ELK3: variants seen among roughly 807,000 people sequenced by gnomAD.
The protein encoded by ELK3 is ETS domain-containing protein Elk-3.
In ELK3, 10 loss-of-function variants were observed where a neutral mutation model predicts 28.9. The observed-to-expected ratio is 0.35, with a 90% CI of 0.21 to 0.59. The LOEUF is 0.59. Among genes scored for constraint, ELK3 ranks in the 20% least tolerant of loss-of-function variants. ELK3 has a pLI of 0.82. For missense variants in ELK3, 463 were observed against 517.3 expected, an observed-to-expected ratio of 0.90 and a Z score of 1.02; for synonymous variants, 272 against 243.5, an observed-to-expected ratio of 1.12 and a Z score of -1.09.
intron 2 of ELK3, among the ~76,000 whole-genome samples, chr12:96,239,723 A>G (rs1335849302): frequency 6.6e-6 from 1 of 152,246 alleles, no homozygotes; most frequent in Non-Finnish European, 1.5e-5. Context: ...GCGCAGGGCC[A>G]GCAGCTTCCC....
At chr12:96,234,212 C>T (rs1215003739) in intron 2 of ELK3, among the ~76,000 whole-genome samples, 1 of 152,166 alleles carries the variant, frequency 6.6e-6, no homozygotes, top group Non-Finnish European at 1.5e-5. Flanking sequence ...ACTCAGTGTT[C>T]CCCCAAAATA....
intron 1 of ELK3, among the ~76,000 whole-genome samples, chr12:96,216,775 T>C (rs1243422541): frequency 6.6e-6 from 1 of 152,236 alleles, no homozygotes; most frequent in Non-Finnish European, 1.5e-5. Context: ...ATGATACTTT[T>C]ATCATATCAG....
intron 1 of ELK3, 111 bp from the exon 2 acceptor site, chr12:96,223,454 C>G (rs2137014518): frequency 1.0e-6 from 1 of 996,886 alleles, no homozygotes; most frequent in South Asian, 1.4e-5. Flanking sequence ...ATTAGGTTCA[C>G]TGGGGGAAGG....
In ELK3 at chr12:96,233,850, C is replaced by A. The variant is rs530838071; in HGVS notation, c.207+10077C>A. ...GGGTGTTTTATCGATCGAGGGGGCC[C>A]TCTGTGCCCGGCCCTGGGTGTGAGT... On this transcript the variant is annotated intron_variant, in intron 2 of 4. Coordinates refer to ENST00000228741, the MANE Select transcript of ELK3 (RefSeq NM_005230.4). Among the ~76,000 whole-genome samples the A allele has an allele frequency of 5.3e-5, 8 of 152,342 alleles. No individual in the cohort carries two copies. The South Asian group carries it at 1.7e-3, about 32-fold the overall frequency.
intron 1 of ELK3, among the ~76,000 whole-genome samples, chr12:96,223,300 G>A (rs957319363): frequency 3.9e-5 from 6 of 152,148 alleles, no homozygotes; most frequent in African/African-American, 9.7e-5. Flanking sequence ...CCCATGCATC[G>A]CTGTCACTCG....
intron 4 of ELK3, 104 bp from the exon 5 acceptor site, chr12:96,266,978 G>T: frequency 1.2e-6 from 1 of 810,286 alleles, no homozygotes; most frequent in Middle Eastern, 2.4e-4. Context: ...TCACAGGGGT[G>T]ATGAGAGAAA....
rs757483963 is a variant in ELK3 at position 96,247,527 on chromosome 12, C to T, written c.795C>T (p.Cys265=). ...EHRSLFLEAA[C]HDSDSLEPLN... ...GAAGCCTCTTCCTGGAGGCCGCCTG[C>T]CATGACTCCGATTCCCTGGAGCCCT... Residue 265 remains cysteine (C), a synonymous_variant, in exon 3 of 5, where the codon TGC becomes TGT. Transcript: ENST00000228741. This position sits in a 1 kb window ranked among gnomAD's most constrained non-coding sequence, Gnocchi z 5.5. The T allele has an allele frequency of 1.2e-6, 2 of 1,614,140 alleles. No individual in the cohort carries two copies.
chr12:96,263,717 G>A (rs1268539444), intron 4 of ELK3, among the ~76,000 whole-genome samples: 1 of 152,162 alleles, frequency 6.6e-6, no homozygotes, highest in African/African-American at 2.4e-5. Flanking sequence ...GATTTCGATC[G>A]AGTACATTTA....
intron 2 of ELK3, among the ~76,000 whole-genome samples, chr12:96,234,681 T>C (rs1303495889): frequency 2.6e-5 from 4 of 152,232 alleles, no homozygotes; most frequent in Admixed American, 2.6e-4. Flanking sequence ...TTAGCTTATT[T>C]TCCAATTTGT....
At chr12:96,237,658 A>ATAG (rs1565786404) in intron 2 of ELK3, among the ~76,000 whole-genome samples, 1 of 152,134 alleles carries the variant, frequency 6.6e-6, no homozygotes, top group Admixed American at 6.5e-5. Context: ...GCTTGAACCT[A>ATAG]TAGTCCCAGC....
At chr12:96,195,246 G>A (rs992700046) in intron 1 of ELK3, among the ~76,000 whole-genome samples, 9 of 151,650 alleles carry the variant, frequency 5.9e-5, no homozygotes, top group African/African-American at 1.9e-4. Flanking sequence ...GGATGGAGAG[G>A]GCGGTGGAGG....
chr12:96,252,700 A>G (rs913595684), intron 3 of ELK3, among the ~76,000 whole-genome samples: 1 of 152,210 alleles, frequency 6.6e-6, no homozygotes, highest in African/African-American at 2.4e-5. Flanking sequence ...TTATTGATCA[A>G]ACTTGATTGG....
chr12:96,224,013 G>C (rs1187364231), intron 2 of ELK3: 6 of 510,548 alleles, frequency 1.2e-5, no homozygotes, highest in Admixed American at 3.2e-5. Flanking sequence ...TGAGTTTGCT[G>C]AAGAACTTTG....
chr12:96,245,949 T>G (rs1198101043), intron 2 of ELK3, among the ~76,000 whole-genome samples: 1 of 152,190 alleles, frequency 6.6e-6, no homozygotes, highest in Admixed American at 6.5e-5. Context: ...CAACTAAAAA[T>G]ACTGTCAATG....
intron 1 of ELK3, among the ~76,000 whole-genome samples, chr12:96,215,604 G>T (rs1441158869): frequency 6.6e-6 from 1 of 150,942 alleles, no homozygotes; most frequent in African/African-American, 2.4e-5. Context: ...AAAAACATGG[G>T]AAAGACTAAA....
At chr12:96,236,719 T>G (rs1025840775) in intron 2 of ELK3, among the ~76,000 whole-genome samples, 11 of 152,176 alleles carry the variant, frequency 7.2e-5, no homozygotes, top group African/African-American at 2.7e-4. Context: ...AGGCTGTGCC[T>G]CCTCTGCCTC....
intron 3 of ELK3, chr12:96,255,455 T>C (rs1484231319): frequency 7.0e-6 from 1 of 141,960 alleles, no homozygotes; most frequent in Non-Finnish European, 1.6e-5. Flanking sequence ...CTGGGCTGGG[T>C]GGTCAGGGAA....
Position 96,247,059 on chromosome 12 carries a change from C to T in ELK3, c.327C>T (p.Asp109=), listed in dbSNP as rs1951861874. 1 of 1,613,998 alleles carries T rather than the reference C, an allele frequency of 6.2e-7. No homozygotes were observed. The highest frequency in any genetic ancestry group is 8.5e-7 in the Non-Finnish European group (1 of 1,180,036). Residue 109 remains aspartate, a synonymous_variant, in exon 3 of 5, where the codon GAC becomes GAT. Coordinates refer to ENST00000228741, the MANE Select transcript of ELK3 (RefSeq NM_005230.4). This position sits in a 1 kb window ranked among gnomAD's most constrained non-coding sequence, Gnocchi z 5.5. ...EISRESLLLQ[D]SDCKASPEGR... The stretch of plus-strand genomic sequence containing the variant: ...GCCGGGAGAGCCTTCTGCTGCAGGA[C>T]AGCGACTGCAAGGCGTCTCCGGAGG...
intron 2 of ELK3, among the ~76,000 whole-genome samples, chr12:96,228,962 C>A (rs4762143): frequency 0.93 from 142,399 of 152,346 alleles, 66,617 homozygotes; most frequent in East Asian, 1. Flanking sequence ...GTGAAGGCTC[C>A]TCATTCCAGT....
Sources: allele counts gnomAD v4.1 joint callset (sites outside exome capture counted in the v4.1 genomes callset), GRCh38; gene constraint gnomAD v4.1.1; non-coding constraint Gnocchi (gnomAD v3.1); transcripts MANE v1.5; gene names NCBI Gene and HGNC (gene_info 2026-07-23, HGNC 2026-07-21).